The following KIAA1328 variants were observed in gnomAD, a reference collection of about 807,000 sequenced individuals.
The protein encoded by KIAA1328 is KIAA1328.
A neutral mutation model predicts 68.1 loss-of-function variants in KIAA1328; 52 were observed. The observed-to-expected ratio is 0.76, with a 90% CI of 0.61 to 0.96. The LOEUF is 0.96. Ranked by LOEUF, KIAA1328 falls within the 40% of genes least tolerant of loss-of-function variation. KIAA1328 has a pLI of 0.00. For synonymous variants in KIAA1328, 232 were observed against 239.4 expected, an observed-to-expected ratio of 0.97 and a Z score of 0.28; for missense variants, 641 against 677.6, an observed-to-expected ratio of 0.95 and a Z score of 0.60.
chr18:37,071,997 T>C (rs1022095178), intron 7 of KIAA1328, among the ~76,000 whole-genome samples: 1 of 152,176 alleles, frequency 6.6e-6, no homozygotes, highest in Non-Finnish European at 1.5e-5. Flanking sequence ...AAACACATCA[T>C]AAAATATTGT....
At chr18:36,918,148 A>G (rs1047008735) in intron 5 of KIAA1328, among the ~76,000 whole-genome samples, 2 of 151,872 alleles carry the variant, frequency 1.3e-5, no homozygotes, top group African/African-American at 4.8e-5. Context: ...TTTTTGCCTT[A>G]TATTGGTAAT....
At chr18:36,859,469 C>T (rs943601237) in intron 4 of KIAA1328, among the ~76,000 whole-genome samples, 1 of 151,634 alleles carries the variant, frequency 6.6e-6, no homozygotes, top group African/African-American at 2.4e-5. Flanking sequence ...AAAAAATGAT[C>T]AGTTCCCTCC....
intron 5 of KIAA1328, among the ~76,000 whole-genome samples, chr18:36,902,904 T>C (rs2049089496): frequency 6.6e-6 from 1 of 152,086 alleles, no homozygotes; most frequent in Admixed American, 6.6e-5. Flanking sequence ...CTTTATTTTT[T>C]CCATTGTTAG....
At chr18:36,876,565 T>A (rs2048134573) in intron 4 of KIAA1328, among the ~76,000 whole-genome samples, 1 of 152,174 alleles carries the variant, frequency 6.6e-6, no homozygotes, top group Admixed American at 6.5e-5. Context: ...TCTTCTCTCT[T>A]TTCTTCTTTA....
chr18:36,938,162 C>G (rs992294116), intron 5 of KIAA1328, among the ~76,000 whole-genome samples: 2 of 152,130 alleles, frequency 1.3e-5, no homozygotes, highest in African/African-American at 4.8e-5. Flanking sequence ...TTTTAATTTT[C>G]TGACGAACTT....
At chr18:36,951,468 G>C (rs190184288) in intron 5 of KIAA1328, among the ~76,000 whole-genome samples, 1 of 152,258 alleles carries the variant, frequency 6.6e-6, no homozygotes, top group African/African-American at 2.4e-5. Context: ...GAATGAATGA[G>C]TGAATTAATG....
chr18:37,063,036 CTTTT>C (rs570431713), intron 6 of KIAA1328, among the ~76,000 whole-genome samples: 1 of 141,306 alleles, frequency 7.1e-6, no homozygotes, highest in Admixed American at 7.1e-5. Flanking sequence ...GGCTGCATTC[CTTTT>C]TTTTTTTTTT....
At chr18:37,159,911 T>G (rs1038323972) in intron 7 of KIAA1328, among the ~76,000 whole-genome samples, 1 of 152,224 alleles carries the variant, frequency 6.6e-6, no homozygotes, top group African/African-American at 2.4e-5. Flanking sequence ...ATAGATAGCC[T>G]GGTTCTTAGT....
intron 6 of KIAA1328, among the ~76,000 whole-genome samples, chr18:37,023,233 G>C (rs956205898): frequency 2.0e-5 from 3 of 152,020 alleles, no homozygotes; most frequent in Non-Finnish European, 1.5e-5. Flanking sequence ...TTATTTATTT[G>C]GGACAGGGTC....
At chr18:36,895,721 G>A in intron 5 of KIAA1328, 1 of 455,592 alleles carries the variant, frequency 2.2e-6, no homozygotes, top group Non-Finnish European at 4.4e-6. Flanking sequence ...TTCATATGTT[G>A]AAGCTCTAAC....
chr18:37,211,978 T>TC (rs5824045), intron 9 of KIAA1328, among the ~76,000 whole-genome samples: 11 of 152,164 alleles, frequency 7.2e-5, no homozygotes, highest in African/African-American at 2.2e-4. Context: ...ACTCAGAGTA[T>TC]CCCCCCCTAG....
At chr18:36,901,165 G>A (rs768161101) in intron 5 of KIAA1328, among the ~76,000 whole-genome samples, 3 of 151,974 alleles carry the variant, frequency 2.0e-5, no homozygotes, top group Non-Finnish European at 4.4e-5. Flanking sequence ...CACAGTGTTA[G>A]TTCTTAAAGT....
chr18:37,215,070 T>C (rs2060400469), intron 9 of KIAA1328, among the ~76,000 whole-genome samples: 1 of 152,334 alleles, frequency 6.6e-6, no homozygotes, highest in African/African-American at 2.4e-5. Flanking sequence ...TGGGGTTTTC[T>C]AAATATACCA....
intron 7 of KIAA1328, among the ~76,000 whole-genome samples, chr18:37,079,742 C>T (rs2056881811): frequency 6.6e-6 from 1 of 151,770 alleles, no homozygotes; most frequent in Non-Finnish European, 1.5e-5. Flanking sequence ...CAAAAATTAG[C>T]CAGGCATGGT....
chr18:37,080,706 C>T (rs1415809852), intron 7 of KIAA1328, among the ~76,000 whole-genome samples: 1 of 149,648 alleles, frequency 6.7e-6, no homozygotes, highest in Non-Finnish European at 1.5e-5. Flanking sequence ...ACCTGGGAGA[C>T]GGAGGTTGCA....
intron 5 of KIAA1328, among the ~76,000 whole-genome samples, chr18:36,892,852 T>C (rs1168335836): frequency 2.0e-5 from 3 of 152,200 alleles, no homozygotes; most frequent in Non-Finnish European, 4.4e-5. Flanking sequence ...TTAAAGATTA[T>C]TTTTGTTCTC....
rs548137669 is a variant in KIAA1328 at position 36,853,248 on chromosome 18, A to G, written c.332+8946A>G. Among the ~76,000 whole-genome samples the G allele has an allele frequency of 1.0e-3, 156 of 152,320 alleles. 2 individuals are homozygous for G. Among genetic ancestry groups the G allele is most frequent in the African/African-American group, 3.7e-3 (154 of 41,570 alleles). On this transcript the variant is annotated intron_variant, in intron 4 of 9. Transcript: ENST00000280020. ...TGATTTTTAAAGATCCTGTAGTTAG[A>G]TTATGACTTTTAAAGATTTACCTCC... is the stretch of plus-strand genomic sequence containing the variant.
At chr18:36,972,387 G>A (rs1348538847) in intron 6 of KIAA1328, among the ~76,000 whole-genome samples, 6 of 152,024 alleles carry the variant, frequency 3.9e-5, no homozygotes, top group Non-Finnish European at 8.8e-5. Context: ...CTTCAACAGT[G>A]GATCACACTA....
intron 1 of KIAA1328, 185 bp downstream of exon 1, chr18:36,829,381 A>T: frequency 2.2e-6 from 3 of 1,372,230 alleles, no homozygotes; most frequent in Non-Finnish European, 2.8e-6. Flanking sequence ...TGGCCGAGAG[A>T]CTGGTACTGT....
Sources: gnomAD v4.1 joint callset for allele counts (sites outside exome capture counted in the v4.1 genomes callset) on GRCh38, gnomAD v4.1.1 for gene constraint, MANE v1.5 for transcripts, NCBI Gene and HGNC (gene_info 2026-07-23, HGNC 2026-07-21) for gene names.